DPP10: variants seen among roughly 807,000 people sequenced by gnomAD.
DPP10 encodes dipeptidyl peptidase like 10.
DPP10 carries 33 observed loss-of-function variants against 120.9 expected under a neutral mutation model. The ratio of observed to expected loss-of-function variants is 0.27; its 90% CI spans 0.21 to 0.37. The LOEUF (loss-of-function observed/expected upper bound fraction) is 0.37. DPP10 is among the 10% of genes least tolerant of loss of function. The pLI, the probability that DPP10 is intolerant of heterozygous loss-of-function variation, is 1.00. For missense variants in DPP10, 816 were observed against 942.8 expected, an observed-to-expected ratio of 0.87 and a Z score of 1.76; for synonymous variants, 337 against 326.1, an observed-to-expected ratio of 1.03 and a Z score of -0.36.
Position 114,812,684 on chromosome 2 carries a change from C to T in DPP10, c.60+369846C>T, listed in dbSNP as rs1315235624. Among the ~76,000 whole-genome samples the T allele has an allele frequency of 2.0e-5, 3 of 150,964 alleles. No homozygotes were observed. The East Asian group carries it at 5.8e-4, about 29-fold the overall frequency. On this transcript the variant is annotated intron_variant, in intron 1 of 25. Transcript: ENST00000410059. ...TCTCACCTCTGTATCTCTACAGCTTCCTCCTACTCCGACTTTCACCTCCAC... is the reference window on the plus strand; with the variant it reads ...TCTCACCTCTGTATCTCTACAGCTTTCTCCTACTCCGACTTTCACCTCCAC...
chr2:115,522,325 G>T (rs2077860055), intron 4 of DPP10, among the ~76,000 whole-genome samples: 2 of 152,234 alleles, frequency 1.3e-5, no homozygotes, highest in African/African-American at 4.8e-5. Context: ...GACTAACGAG[G>T]TTCATGACAT....
At chr2:115,277,377 T>C (rs541318622) in intron 1 of DPP10, among the ~76,000 whole-genome samples, 4 of 151,978 alleles carry the variant, frequency 2.6e-5, no homozygotes, top group African/African-American at 7.2e-5. Flanking sequence ...CACTATCTTT[T>C]AGCACAAGGT....
chr2:115,437,043 C>T (rs557984880), intron 3 of DPP10, among the ~76,000 whole-genome samples: 18 of 151,972 alleles, frequency 1.2e-4, no homozygotes, highest in South Asian at 8.3e-4. Context: ...GACTATGTGA[C>T]GTTAAATCAG....
chr2:114,592,982 T>C (rs1691588675), intron 1 of DPP10, among the ~76,000 whole-genome samples: 1 of 152,202 alleles, frequency 6.6e-6, no homozygotes, highest in East Asian at 1.9e-4. Flanking sequence ...ATTTCATTTG[T>C]GTTCTACAAC....
At chr2:114,929,847 C>T (rs1695937851) in intron 1 of DPP10, among the ~76,000 whole-genome samples, 1 of 152,134 alleles carries the variant, frequency 6.6e-6, no homozygotes, top group Non-Finnish European at 1.5e-5. Flanking sequence ...ATGAAATCTT[C>T]ACAATTTATG....
chr2:115,011,862 T>C (rs1702289214), intron 1 of DPP10, among the ~76,000 whole-genome samples: 1 of 151,960 alleles, frequency 6.6e-6, no homozygotes, highest in Non-Finnish European at 1.5e-5. Flanking sequence ...GCTTTTTCAA[T>C]GGGGAGGTTC....
chr2:114,792,803 G>A (rs1184312929), intron 1 of DPP10, among the ~76,000 whole-genome samples: 2 of 152,146 alleles, frequency 1.3e-5, no homozygotes, highest in African/African-American at 4.8e-5. Context: ...ACAATTAAGT[G>A]TGTCATATGC....
intron 1 of DPP10, among the ~76,000 whole-genome samples, chr2:114,896,450 C>T (rs1424629848): frequency 2.0e-5 from 3 of 152,120 alleles, no homozygotes; most frequent in African/African-American, 2.4e-5. Context: ...AGGTCCTTCA[C>T]GTCCCTTGTA....
At chr2:115,566,034 G>A (rs996983251) in intron 5 of DPP10, among the ~76,000 whole-genome samples, 1 of 151,902 alleles carries the variant, frequency 6.6e-6, no homozygotes, top group Non-Finnish European at 1.5e-5. Flanking sequence ...CGATCAGCCC[G>A]CCTCGGCCTC....
chr2:114,654,813 A>C lies in DPP10; in HGVS notation c.60+211975A>C, dbSNP rs975411903. ...AAAGCTGGATGTAGTTAAACATGGA[A>C]GGCACAACTGGACTAGGGGAATTGG... On this transcript the variant is annotated intron_variant, in intron 1 of 25. Transcript: ENST00000410059. 9.9e-5 allele frequency among the ~76,000 whole-genome samples: 15 copies of C among 152,272 alleles called. No homozygotes were observed. The East Asian group carries it at 2.7e-3, about 27-fold the overall frequency.
intron 5 of DPP10, among the ~76,000 whole-genome samples, chr2:115,552,358 T>A (rs1198209503): frequency 6.6e-6 from 1 of 152,120 alleles, no homozygotes; most frequent in Non-Finnish European, 1.5e-5. Context: ...CACACAAGCG[T>A]CTATGCTCCC....
chr2:115,549,676 C>T (rs985099221), intron 5 of DPP10, among the ~76,000 whole-genome samples: 1 of 152,088 alleles, frequency 6.6e-6, no homozygotes. Flanking sequence ...CTAGTCCATT[C>T]TCTGCATAGA....
At chr2:115,181,685 A>G (rs1352504235) in intron 1 of DPP10, among the ~76,000 whole-genome samples, 1 of 152,180 alleles carries the variant, frequency 6.6e-6, no homozygotes, top group Non-Finnish European at 1.5e-5. Flanking sequence ...TGGTCAAAGC[A>G]GGACACAGGA....
chr2:115,320,226 A>G (rs1186086139), intron 2 of DPP10, among the ~76,000 whole-genome samples: 1 of 152,180 alleles, frequency 6.6e-6, no homozygotes, highest in Non-Finnish European at 1.5e-5. Context: ...TGCAAAGAAT[A>G]TATTTTTCCA....
chr2:115,457,724 A>C, intron 3 of DPP10, among the ~76,000 whole-genome samples: 1 of 152,242 alleles, frequency 6.6e-6, no homozygotes, highest in Admixed American at 6.5e-5. Flanking sequence ...TGCTGGTGGA[A>C]ATACAACACT....
At chr2:115,578,092 C>T (rs979527794) in intron 5 of DPP10, among the ~76,000 whole-genome samples, 6 of 152,114 alleles carry the variant, frequency 3.9e-5, no homozygotes, top group Admixed American at 6.5e-5. Context: ...ATCACAAAGT[C>T]ACCACTTCTC....
At chr2:114,844,986 C>T (rs768376419) in intron 1 of DPP10, among the ~76,000 whole-genome samples, 9 of 152,236 alleles carry the variant, frequency 5.9e-5, no homozygotes, top group South Asian at 2.1e-4. Context: ...ACTTATTTTA[C>T]AAGAAGCACA....
At chr2:115,807,505 C>T (rs980954425) in intron 19 of DPP10, among the ~76,000 whole-genome samples, 2 of 152,148 alleles carry the variant, frequency 1.3e-5, no homozygotes, top group Admixed American at 6.5e-5. Flanking sequence ...AACAACTGGA[C>T]TCTGTTTTTT....
intron 1 of DPP10, among the ~76,000 whole-genome samples, chr2:115,150,831 C>T (rs1301606873): frequency 2.0e-5 from 3 of 152,172 alleles, no homozygotes; most frequent in African/African-American, 7.2e-5. Context: ...GTCTCATAGA[C>T]AATTTTCATA....
Sources: gnomAD v4.1 joint callset for allele counts (sites outside exome capture counted in the v4.1 genomes callset) on GRCh38, gnomAD v4.1.1 for gene constraint, MANE v1.5 for transcripts, NCBI Gene and HGNC (gene_info 2026-07-23, HGNC 2026-07-21) for gene names.